KCNK9: variants seen among roughly 807,000 people sequenced by gnomAD.
The protein encoded by KCNK9 is potassium channel subfamily K member 9.
Under a neutral mutation model 10.8 loss-of-function variants are expected in KCNK9, and 1 was observed. The ratio of observed to expected loss-of-function variants is 0.09; its 90% confidence interval spans 0.03 to 0.44. The LOEUF (loss-of-function observed/expected upper bound fraction) is 0.44, where lower values mean the gene tolerates loss of function less well. Among genes scored for constraint, KCNK9 ranks in the 20% least tolerant of loss-of-function variants. KCNK9 has a pLI of 0.97. For synonymous variants in KCNK9, 231 were observed against 222.7 expected (o/e 1.04, Z -0.33); for missense variants, 303 against 515.0 (o/e 0.59, Z 3.98).
intron 1 of KCNK9, among the ~76,000 whole-genome samples, chr8:139,665,584 G>A (rs1816277383): frequency 6.6e-6 from 1 of 152,212 alleles, no homozygotes. Flanking sequence ...ACTGTTAGGT[G>A]CCTACCTTGC....
intron 1 of KCNK9, among the ~76,000 whole-genome samples, chr8:139,640,892 C>G (rs867561927): frequency 2.0e-4 from 30 of 152,366 alleles, no homozygotes; most frequent in Middle Eastern, 6.8e-3. Flanking sequence ...TCGGAGCTCA[C>G]TGGAGGTGCC....
chr8:139,688,818 C>T (rs1229117729), intron 1 of KCNK9, among the ~76,000 whole-genome samples: 1 of 152,196 alleles, frequency 6.6e-6, no homozygotes, highest in African/African-American at 2.4e-5. Flanking sequence ...AGCTGAGTGA[C>T]TTCTATGTGA....
Position 139,618,885 on chromosome 8 carries a change from G to A in KCNK9, c.498C>T (p.Ser166=), listed in dbSNP as rs770303698. Residue 166 remains serine, a synonymous_variant, in exon 2 of 2, where the codon TCC becomes TCT. Coordinates refer to ENST00000520439, the MANE Select transcript of KCNK9 (RefSeq NM_001282534.2). This position sits in a 1 kb window ranked among gnomAD's most constrained non-coding sequence, Gnocchi z 7.9. ...CCCCGATGCACAGCGTCCCCATGCA[G>A]GAGAAGAAGCCCACAGTCACCATGT... ...MENMVTVGFF[S]CMGTLCIGAA... The A allele has an allele frequency of 6.2e-7, 1 of 1,614,222 alleles. No individual in the cohort carries two copies. Among genetic ancestry groups the A allele is most frequent in the Non-Finnish European group, 8.5e-7 (1 of 1,180,050 alleles).
chr8:139,689,293 C>T lies in KCNK9; in HGVS notation c.283+13417G>A, dbSNP rs28502333. The stretch of plus-strand genomic sequence containing the variant: ...AATCCAAAGGTAGACTGTGGACTAT[C>T]TGTTTTACAGATGAGAAAACAGCAA... On this transcript the variant is annotated intron_variant, in intron 1 of 1. Transcript: ENST00000520439. 8.5e-3 allele frequency among the ~76,000 whole-genome samples: 1,302 copies of T among 152,328 alleles called. 13 individuals carry two copies. Among genetic ancestry groups the T allele is most frequent in the African/African-American group, 0.03 (1,235 of 41,564 alleles).
intron 1 of KCNK9, among the ~76,000 whole-genome samples, chr8:139,677,365 C>A (rs904649328): frequency 2.0e-5 from 3 of 152,098 alleles, no homozygotes; most frequent in African/African-American, 7.3e-5. Context: ...CTCATCCAAC[C>A]CCAGGGCCTG....
chr8:139,615,197 A>C (rs1471496980), downstream of KCNK9, among the ~76,000 whole-genome samples: 1 of 152,228 alleles, frequency 6.6e-6, no homozygotes, highest in Non-Finnish European at 1.5e-5. Context: ...AACATGGTAG[A>C]GAAATCAGTG....
In KCNK9 at chr8:139,618,150, AATG is replaced by A; in HGVS notation, c.*105_*107del. ...GAAAGGAGGAAGGAGAGAAAGTAAT[AATG>A]ATGACAATAATAATAATAAATAAAT... On this transcript the variant is annotated 3_prime_UTR_variant, in exon 2 of 2. Coordinates refer to ENST00000520439, the MANE Select transcript of KCNK9 (RefSeq NM_001282534.2). This position sits in a 1 kb window ranked among gnomAD's most constrained non-coding sequence, Gnocchi z 7.9. 1.4e-6 allele frequency: 2 copies of A among 1,418,394 alleles called. No homozygotes were observed. The allele number at this position is 1,418,394 out of a possible 1,614,324, so 87.9% of individuals were successfully genotyped here.
rs917140379 is a variant in KCNK9 at position 139,617,397 on chromosome 8, T to C, written c.*861A>G. Among the ~76,000 whole-genome samples the C allele has an allele frequency of 1.1e-4, 17 of 152,316 alleles. No homozygotes were observed. The highest frequency in any genetic ancestry group is 1.1e-3 in the Admixed American group (17 of 15,302). On this transcript the variant is annotated 3_prime_UTR_variant, in exon 2 of 2. Coordinates refer to ENST00000520439, the MANE Select transcript of KCNK9 (RefSeq NM_001282534.2). ...ATTAAAAATGTCTTTTATAAGTTAA[T>C]GTTATTGGCTTTGGATTATTCCATT...
At chr8:139,610,285 G>C (rs1814380359), downstream of KCNK9, among the ~76,000 whole-genome samples, 2 of 152,192 alleles carry the variant, frequency 1.3e-5, no homozygotes, top group African/African-American at 4.8e-5. Flanking sequence ...TCATCTCCTG[G>C]GGGGTGAGGG....
intron 1 of KCNK9, among the ~76,000 whole-genome samples, chr8:139,647,208 T>C (rs1413905041): frequency 6.6e-6 from 1 of 152,078 alleles, no homozygotes; most frequent in African/African-American, 2.4e-5. Context: ...GAAGAAGGCA[T>C]GGAGGAGCCA....
chr8:139,703,042 C>A lies in KCNK9; in HGVS notation c.-50G>T, dbSNP rs1418137651. 6 of 1,526,230 alleles carry A rather than the reference C, an allele frequency of 3.9e-6. No individual in the cohort carries two copies. Among genetic ancestry groups the A allele is most frequent in the Middle Eastern group, 2.3e-4 (1 of 4,364 alleles). The allele number at this position is 1,526,230 out of a possible 1,614,324, so 94.5% of individuals were successfully genotyped here. On this transcript the variant is annotated 5_prime_UTR_variant, in exon 1 of 2. Transcript: ENST00000520439. This position sits in a 1 kb window ranked among gnomAD's most constrained non-coding sequence, Gnocchi z 6.4. ...GGGGGCATGTCCCGCAGGCTCACAG[C>A]CGCGCGCGTCCCACTGCAGCGCCCG...
chr8:139,689,717 A>G (rs1338451914), intron 1 of KCNK9, among the ~76,000 whole-genome samples: 2 of 146,290 alleles, frequency 1.4e-5, no homozygotes, highest in East Asian at 4.0e-4. Flanking sequence ...ATCTCGACTC[A>G]CTGCAAGCTC....
At chr8:139,700,648 C>T (rs188275541) in intron 1 of KCNK9, among the ~76,000 whole-genome samples, 15 of 152,294 alleles carry the variant, frequency 9.8e-5, no homozygotes, top group Admixed American at 7.8e-4. Flanking sequence ...CCTCAGATGG[C>T]CTCTGGTCCC....
chr8:139,645,688 G>A (rs1408179056), intron 1 of KCNK9, among the ~76,000 whole-genome samples: 1 of 152,166 alleles, frequency 6.6e-6, no homozygotes, highest in Non-Finnish European at 1.5e-5. Flanking sequence ...GGCTTGTTTT[G>A]CAGAGAGCTT....
In KCNK9 at chr8:139,693,670, A is replaced by C. The variant is rs1816983731; in HGVS notation, c.283+9040T>G. Reference sequence around the variant, plus strand: ...AACAAGTCCTTTGCTCAAGAGGATAAAGGACAATTGGGGAAAAGAGGAAGG... The same window carrying C: ...AACAAGTCCTTTGCTCAAGAGGATACAGGACAATTGGGGAAAAGAGGAAGG... On this transcript the variant is annotated intron_variant, in intron 1 of 1. Transcript: ENST00000520439. This position sits in a 1 kb window ranked among gnomAD's most constrained non-coding sequence, Gnocchi z 4.1. 6.6e-6 allele frequency among the ~76,000 whole-genome samples: 1 copy of C among 152,120 alleles called. No homozygotes were observed.
Position 139,685,485 on chromosome 8 carries a change from A to T in KCNK9, c.283+17225T>A, listed in dbSNP as rs373833445. Among the ~76,000 whole-genome samples the T allele has an allele frequency of 7.7e-3, 1,177 of 152,142 alleles. 8 individuals carry two copies. The highest frequency in any genetic ancestry group is 0.035 in the South Asian group (171 of 4,824). On this transcript the variant is annotated intron_variant, in intron 1 of 1. Coordinates refer to ENST00000520439, the MANE Select transcript of KCNK9 (RefSeq NM_001282534.2). Reference sequence around the variant, plus strand: ...GTGTAATGTTCCCTTCCCTGTGTCCATGTGTTCTCATTGTTCAACTCCCAC... The same window carrying T: ...GTGTAATGTTCCCTTCCCTGTGTCCTTGTGTTCTCATTGTTCAACTCCCAC...
rs1168290075 is a variant in KCNK9 at position 139,618,167 on chromosome 8, T to TAATA, written c.*87_*90dup. Reference sequence around the variant, plus strand: ...AAAGTAATAATGATGACAATAATAATAATAAATAAATAAGAAAAGACGAGT... The same window carrying TAATA: ...AAAGTAATAATGATGACAATAATAATAATAAATAAATAAATAAGAAAAGACGAGT... On this transcript the variant is annotated 3_prime_UTR_variant, in exon 2 of 2. Coordinates refer to ENST00000520439, the MANE Select transcript of KCNK9 (RefSeq NM_001282534.2). This position sits in a 1 kb window ranked among gnomAD's most constrained non-coding sequence, Gnocchi z 7.9. 2.7e-6 allele frequency: 4 copies of TAATA among 1,484,442 alleles called. No homozygotes were observed. The highest frequency in any genetic ancestry group is 2.8e-6 in the Non-Finnish European group (3 of 1,073,974). The allele number at this position is 1,484,442 out of a possible 1,614,324, so 92.0% of individuals were successfully genotyped here.
chr8:139,694,721 C>T (rs1817011355), intron 1 of KCNK9, among the ~76,000 whole-genome samples: 1 of 152,112 alleles, frequency 6.6e-6, no homozygotes, highest in Admixed American at 6.5e-5. Flanking sequence ...AGCCCACCCT[C>T]CTCTACTCCA....
intron 1 of KCNK9, among the ~76,000 whole-genome samples, chr8:139,670,582 A>G (rs1246372083): frequency 1.3e-5 from 2 of 152,156 alleles, no homozygotes; most frequent in African/African-American, 2.4e-5. Flanking sequence ...GCACCATTTT[A>G]TATCAGGGAC....
Sources: allele counts gnomAD v4.1 joint callset (sites outside exome capture counted in the v4.1 genomes callset), GRCh38; gene constraint gnomAD v4.1.1; non-coding constraint Gnocchi (gnomAD v3.1); transcripts MANE v1.5; gene names NCBI Gene and HGNC (gene_info 2026-07-23, HGNC 2026-07-21).